PLD5: variants seen among roughly 807,000 people sequenced by gnomAD.
PLD5 encodes phospholipase D family member 5.
Under a neutral mutation model 61.1 loss-of-function variants are expected in PLD5, and 36 were observed. The ratio of observed to expected loss-of-function variants is 0.59; its 90% CI spans 0.45 to 0.78. PLD5 has a LOEUF of 0.78. PLD5 is among the 30% of genes least tolerant of loss of function. The pLI is 0.00. For synonymous variants in PLD5, 243 were observed against 242.8 expected, an observed-to-expected ratio of 1.00 and a Z score of -0.01; for missense variants, 515 against 644.4, an observed-to-expected ratio of 0.80 and a Z score of 2.17.
chr1:242,163,183 A>T (rs187121545), intron 5 of PLD5, among the ~76,000 whole-genome samples: 17 of 143,132 alleles, frequency 1.2e-4, no homozygotes, highest in Non-Finnish European at 2.4e-4. Flanking sequence ...TCACTCTGTC[A>T]CCCAGGCTGG....
chr1:242,125,848 T>C (rs920321823), intron 5 of PLD5, among the ~76,000 whole-genome samples: 10 of 152,186 alleles, frequency 6.6e-5, no homozygotes, highest in African/African-American at 2.4e-4. Context: ...GATCTTTCCA[T>C]GTTCCTCTGT....
At chr1:242,238,348 A>C (rs1225348438) in intron 4 of PLD5, among the ~76,000 whole-genome samples, 1 of 152,192 alleles carries the variant, frequency 6.6e-6, no homozygotes, top group Non-Finnish European at 1.5e-5. Flanking sequence ...CCTGCACTTC[A>C]TGGATACTCT....
chr1:242,169,464 A>G (rs1391930742), intron 5 of PLD5, among the ~76,000 whole-genome samples: 1 of 152,204 alleles, frequency 6.6e-6, no homozygotes, highest in Non-Finnish European at 1.5e-5. Context: ...GATACCCTCC[A>G]GTGCCTACCC....
chr1:242,409,896 G>A (rs1335672960), intron 1 of PLD5, among the ~76,000 whole-genome samples: 3 of 152,198 alleles, frequency 2.0e-5, no homozygotes, highest in African/African-American at 7.2e-5. Context: ...ATGTTTGGGT[G>A]GACCCAGTTT....
At chr1:242,248,268 G>A in intron 4 of PLD5, among the ~76,000 whole-genome samples, 1 of 152,156 alleles carries the variant, frequency 6.6e-6, no homozygotes, top group African/African-American at 2.4e-5. Flanking sequence ...TTTAAGCTAT[G>A]TATTCATCTC....
At chr1:242,255,562 C>T (rs147247900) in intron 4 of PLD5, among the ~76,000 whole-genome samples, 18,677 of 152,180 alleles carry the variant, frequency 0.12, 1,246 homozygotes, top group South Asian at 0.15. Flanking sequence ...ATAACCTGCA[C>T]GTTGTGCACA....
At chr1:242,099,366 A>T (rs187976607) in intron 9 of PLD5, among the ~76,000 whole-genome samples, 111 of 152,286 alleles carry the variant, frequency 7.3e-4, no homozygotes, top group African/African-American at 2.5e-3. Flanking sequence ...ACCTCAGGTG[A>T]TCCACCTGCC....
At chr1:242,494,695 T>C (rs1204695582) in intron 1 of PLD5, among the ~76,000 whole-genome samples, 1 of 152,160 alleles carries the variant, frequency 6.6e-6, no homozygotes, top group East Asian at 1.9e-4. Flanking sequence ...CACATCTGAC[T>C]CTTTCATCCA....
intron 1 of PLD5, among the ~76,000 whole-genome samples, chr1:242,508,460 T>C (rs182063831): frequency 6.6e-6 from 1 of 152,176 alleles, no homozygotes; most frequent in Non-Finnish European, 1.5e-5. Context: ...AAAGACTCTT[T>C]CAGGGTTGCC....
intron 4 of PLD5, among the ~76,000 whole-genome samples, chr1:242,226,245 C>T (rs985434109): frequency 1.3e-5 from 2 of 152,152 alleles, no homozygotes; most frequent in Non-Finnish European, 2.9e-5. Context: ...TGTGCAGCCC[C>T]TGACCCATTG....
At chr1:242,433,811 A>G (rs1187489981) in intron 1 of PLD5, among the ~76,000 whole-genome samples, 1 of 152,208 alleles carries the variant, frequency 6.6e-6, no homozygotes, top group Non-Finnish European at 1.5e-5. Flanking sequence ...TGCAGCTATC[A>G]GAGGGGAATC....
chr1:242,274,462 A>G (rs71650664), intron 3 of PLD5, among the ~76,000 whole-genome samples: 1 of 152,220 alleles, frequency 6.6e-6, no homozygotes, highest in Non-Finnish European at 1.5e-5. Context: ...TGACTAAGAA[A>G]AGCAAGCCTT....
intron 3 of PLD5, among the ~76,000 whole-genome samples, chr1:242,285,343 C>T (rs1409129773): frequency 6.6e-6 from 1 of 152,062 alleles, no homozygotes; most frequent in East Asian, 1.9e-4. Context: ...ACTAAAAATA[C>T]AAAAATTAGC....
intron 5 of PLD5, among the ~76,000 whole-genome samples, chr1:242,190,622 C>T (rs1276132354): frequency 6.6e-6 from 1 of 151,906 alleles, no homozygotes; most frequent in African/African-American, 2.4e-5. Context: ...TGGCTCACAG[C>T]TGTAACATCA....
At chr1:242,344,113 C>A (rs916367802) in intron 2 of PLD5, among the ~76,000 whole-genome samples, 2 of 152,210 alleles carry the variant, frequency 1.3e-5, no homozygotes, top group Non-Finnish European at 2.9e-5. Context: ...CTATAACAAT[C>A]GGCCCCAAAT....
chr1:242,189,570 C>A (rs1183019232), intron 5 of PLD5, among the ~76,000 whole-genome samples: 1 of 142,134 alleles, frequency 7.0e-6, no homozygotes, highest in Non-Finnish European at 1.6e-5. Flanking sequence ...ACACATAGGG[C>A]CATACTATTG....
rs1031119536 is a variant in PLD5 at position 242,087,145 on chromosome 1, G to T, written c.*2709C>A. 1 of 152,136 alleles carries T rather than the reference G, an allele frequency of 6.6e-6. No individual in the cohort carries two copies. Among genetic ancestry groups the T allele is most frequent in the African/African-American group, 2.4e-5 (1 of 41,430 alleles). 9.4% of individuals were successfully genotyped at this position (152,136 alleles called of 1,614,324 possible). ...ACATGAACCCATTTCTGACACTCTT[G>T]GTATGGGGGTCACTTTTCTGGCTGC... is the stretch of plus-strand genomic sequence containing the variant. On this transcript the variant is annotated 3_prime_UTR_variant, in exon 10 of 10. Transcript: ENST00000536534.
rs544298928 is a variant in PLD5, at chr1:242,379,753, A to C, written c.190-31511T>G. On this transcript the variant is annotated intron_variant, in intron 1 of 9. Transcript: ENST00000536534. ...CAGTTATATTACTTCCCCTAAGTTC[A>C]GGGAGAGTATACGTCCCAATCCACT... Among the ~76,000 whole-genome samples, 5 of 152,298 alleles carry C rather than the reference A, an allele frequency of 3.3e-5. No individual in the cohort carries two copies. In the South Asian group the frequency reaches 8.3e-4, roughly 25 times the overall value.
intron 1 of PLD5, among the ~76,000 whole-genome samples, chr1:242,469,142 TA>T (rs1177858662): frequency 6.6e-6 from 1 of 152,220 alleles, no homozygotes; most frequent in Non-Finnish European, 1.5e-5. Context: ...ATAAATATCC[TA>T]AAAATATATG....
Sources: gnomAD v4.1 joint callset for allele counts (sites outside exome capture counted in the v4.1 genomes callset) on GRCh38, gnomAD v4.1.1 for gene constraint, MANE v1.5 for transcripts, NCBI Gene and HGNC (gene_info 2026-07-23, HGNC 2026-07-21) for gene names.